The following METTL16 variants were observed in gnomAD, a reference collection of about 807,000 sequenced individuals.
METTL16 encodes RNA N(6)-adenosine-methyltransferase METTL16.
In METTL16, 19 loss-of-function variants were observed where a neutral mutation model predicts 57.9. The observed-to-expected ratio is 0.33, with a 90% CI of 0.23 to 0.48. METTL16 has a LOEUF of 0.48. Ranked by LOEUF, METTL16 falls within the 20% of genes least tolerant of loss-of-function variation. The pLI, the probability that METTL16 is intolerant of heterozygous loss-of-function variation, is 0.99. For missense variants in METTL16, 434 were observed against 691.5 expected, an observed-to-expected ratio of 0.63 and a Z score of 4.18; for synonymous variants, 246 against 255.6, an observed-to-expected ratio of 0.96 and a Z score of 0.36.
chr17:2,485,784 T>TCTGG (rs1253394745), intron 2 of METTL16, among the ~76,000 whole-genome samples: 1 of 152,114 alleles, frequency 6.6e-6, no homozygotes, highest in Non-Finnish European at 1.5e-5. Context: ...AAGCGGACGG[T>TCTGG]CTGGCGGAGG....
chr17:2,478,546 C>T (rs1283924921), intron 2 of METTL16, among the ~76,000 whole-genome samples: 2 of 152,144 alleles, frequency 1.3e-5, no homozygotes, highest in African/African-American at 4.8e-5. Flanking sequence ...TGAATAGTTT[C>T]TAGTATATTA....
chr17:2,451,223 A>G (rs747150269), intron 6 of METTL16, among the ~76,000 whole-genome samples: 3 of 152,234 alleles, frequency 2.0e-5, no homozygotes, highest in African/African-American at 2.4e-5. Context: ...AATAATTGTT[A>G]TAGCTAAAAC....
At chr17:2,433,845 C>T (rs187230513) in intron 8 of METTL16, among the ~76,000 whole-genome samples, 4 of 152,306 alleles carry the variant, frequency 2.6e-5, no homozygotes, top group Admixed American at 6.5e-5. Context: ...ACGAGTCAGA[C>T]GCTGGCGACT....
At chr17:2,462,181 G>C (rs953168572) in intron 6 of METTL16, among the ~76,000 whole-genome samples, 1 of 152,148 alleles carries the variant, frequency 6.6e-6, no homozygotes, top group Non-Finnish European at 1.5e-5. Context: ...GCTGCATCAT[G>C]GAAGAACCTT....
At chr17:2,491,310 T>G (rs2067386963) in intron 2 of METTL16, among the ~76,000 whole-genome samples, 1 of 152,216 alleles carries the variant, frequency 6.6e-6, no homozygotes, top group Non-Finnish European at 1.5e-5. Flanking sequence ...CATGGCCGAT[T>G]TCCCCAGAAT....
chr17:2,486,504 C>T (rs1258894410), intron 2 of METTL16, among the ~76,000 whole-genome samples: 2 of 151,936 alleles, frequency 1.3e-5, no homozygotes, highest in South Asian at 2.1e-4. Flanking sequence ...ATCTCCTGAC[C>T]TCATGATCTG....
At chr17:2,442,059 C>T (rs1436638009) in intron 6 of METTL16, among the ~76,000 whole-genome samples, 1 of 152,018 alleles carries the variant, frequency 6.6e-6, no homozygotes, top group Non-Finnish European at 1.5e-5. Context: ...AAAACAAATC[C>T]AGAAGAAGGA....
At chr17:2,458,241 G>A (rs1450502452) in intron 6 of METTL16, among the ~76,000 whole-genome samples, 2 of 152,106 alleles carry the variant, frequency 1.3e-5, no homozygotes, top group Non-Finnish European at 2.9e-5. Context: ...CCAAATCCAA[G>A]CAGTATCCAT....
At chr17:2,467,935 A>C in intron 4 of METTL16, 59 bp from the exon 5 acceptor site, 1 of 1,138,548 alleles carries the variant, frequency 8.8e-7, no homozygotes, top group Non-Finnish European at 1.3e-6. Context: ...CTAAAGTATA[A>C]CCGCGCACTG....
At chr17:2,449,067 G>A (rs1051472185) in intron 6 of METTL16, among the ~76,000 whole-genome samples, 3 of 150,908 alleles carry the variant, frequency 2.0e-5, no homozygotes, top group African/African-American at 7.3e-5. Context: ...TAAATCAACT[G>A]TATTTTCTTA....
intron 6 of METTL16, among the ~76,000 whole-genome samples, chr17:2,443,528 C>T (rs1470055034): frequency 6.6e-6 from 1 of 150,670 alleles, no homozygotes; most frequent in Non-Finnish European, 1.5e-5. Flanking sequence ...ACTCTGTCAC[C>T]CAGGCTGGAG....
At chr17:2,431,904 TAAC>T (rs1167369796) in intron 8 of METTL16, among the ~76,000 whole-genome samples, 17 of 151,836 alleles carry the variant, frequency 1.1e-4, no homozygotes, top group Non-Finnish European at 7.4e-5. Flanking sequence ...CAAGGAGAAA[TAAC>T]AACAAGCTAT....
intron 8 of METTL16, among the ~76,000 whole-genome samples, chr17:2,423,565 TG>T (rs2066784913): frequency 6.6e-6 from 1 of 151,772 alleles, no homozygotes; most frequent in South Asian, 2.1e-4. Flanking sequence ...ATGATGGGGG[TG>T]GAGAATCAGA....
intron 2 of METTL16, among the ~76,000 whole-genome samples, chr17:2,478,486 T>C (rs12937474): frequency 0.26 from 39,968 of 152,082 alleles, 5,619 homozygotes; most frequent in African/African-American, 0.34. Context: ...TTTTTAAAGC[T>C]TTATGAAGTA....
chr17:2,446,791 C>G (rs947707302), intron 6 of METTL16, among the ~76,000 whole-genome samples: 3 of 152,146 alleles, frequency 2.0e-5, no homozygotes, highest in Non-Finnish European at 2.9e-5. Context: ...CTGTGTTGGC[C>G]GGGCTGGTCT....
At position 2,454,563 on chromosome 17, in the gene METTL16, A is replaced by ATT. The variant is rs5818860; in HGVS notation, c.728+9643_728+9644dup. On this transcript the variant is annotated intron_variant, in intron 6 of 9. Coordinates refer to ENST00000263092, the MANE Select transcript of METTL16 (RefSeq NM_024086.4). ...TGGATAAGACTATATTATTATTATT[A>ATT]TTTTTTTTTTTTTTTTTTTGAGACG... Among the ~76,000 whole-genome samples, 79 of 126,212 alleles carry ATT rather than the reference A, an allele frequency of 6.3e-4. 1 individual carries two copies. Among genetic ancestry groups the ATT allele is most frequent in the South Asian group, 1.8e-3 (7 of 3,914 alleles). 82.8% of individuals were successfully genotyped at this position (126,212 alleles called of 152,430 possible). A position where few individuals can be genotyped will look rare whatever the true frequency, so the allele number is the denominator to read the frequency against.
chr17:2,428,235 C>T (rs2066834287), intron 8 of METTL16, among the ~76,000 whole-genome samples: 1 of 151,812 alleles, frequency 6.6e-6, no homozygotes, highest in African/African-American at 2.4e-5. Context: ...AACCAGATCT[C>T]CTGGGAGAAA....
chr17:2,495,581 G>A (rs2067438243), intron 2 of METTL16, among the ~76,000 whole-genome samples: 2 of 150,608 alleles, frequency 1.3e-5, no homozygotes, highest in South Asian at 4.2e-4. Context: ...TGTAATCCCA[G>A]CTAGCCAGGA....
chr17:2,473,418 T>A (rs1597460688), intron 4 of METTL16, 106 bp downstream of exon 4: 23 of 1,301,550 alleles, frequency 1.8e-5, no homozygotes, highest in Non-Finnish European at 2.4e-5. Flanking sequence ...CAGATTTTTT[T>A]AAATTACCGA....
Sources: gnomAD v4.1 joint callset for allele counts (sites outside exome capture counted in the v4.1 genomes callset) on GRCh38, gnomAD v4.1.1 for gene constraint, MANE v1.5 for transcripts, NCBI Gene and HGNC (gene_info 2026-07-23, HGNC 2026-07-21) for gene names.